Variants in NCKAP5L observed in about 807,000 individuals in gnomAD.
NCKAP5L encodes the protein nck-associated protein 5-like.
Under a neutral mutation model 103.2 loss-of-function variants are expected in NCKAP5L, and 54 were observed. The observed-to-expected ratio is 0.52, with a 90% CI of 0.42 to 0.66. NCKAP5L has a LOEUF of 0.66. Ranked by LOEUF, NCKAP5L falls within the 30% of genes least tolerant of loss-of-function variation. NCKAP5L has a pLI of 0.00. For missense variants in NCKAP5L, 1,733 were observed against 1,750.6 expected (o/e 0.99, Z 0.18); for synonymous variants, 762 against 748.6 (o/e 1.02, Z -0.29).
chr12:49,795,121 G>A lies in NCKAP5L; in HGVS notation c.2739C>T (p.Asn913=). 6.2e-7 allele frequency: 1 copy of A among 1,613,250 alleles called. No homozygotes were observed. The highest frequency in any genetic ancestry group is 8.5e-7 in the Non-Finnish European group (1 of 1,179,758). The part of the protein sequence containing the change: ...RAPGAEVKHR[N]TSSIASWFGL... ...CGAACCAGCTGGCGATGCTGCTGGT[G>A]TTGCGGTGCTTGACCTCGGCGCCAG... is the stretch of plus-strand genomic sequence containing the variant. The change falls in exon 8 of 13, where the codon AAC becomes AAT. Residue 913 remains asparagine (N), a synonymous_variant. Coordinates refer to ENST00000335999, the MANE Select transcript of NCKAP5L (RefSeq NM_001037806.4).
In NCKAP5L at chr12:49,793,781, T is replaced by G; in HGVS notation, c.3211A>C (p.Asn1071His). ...KSPWPACGPR[N>H]GLVGPLQGCG... ...CCCTGAAGAGGGCCCACCAGGCCATTCCGGGGCCCACAGGCTGGCCAGGGG... is the reference window on the plus strand; with the variant it reads ...CCCTGAAGAGGGCCCACCAGGCCATGCCGGGGCCCACAGGCTGGCCAGGGG... The change falls in exon 9 of 13, where the codon AAT (asparagine) becomes CAT (histidine). Residue 1071 changes from asparagine to histidine, a missense_variant. Coordinates refer to ENST00000335999, the MANE Select transcript of NCKAP5L (RefSeq NM_001037806.4). 2 of 1,605,474 alleles carry G rather than the reference T, an allele frequency of 1.2e-6. No individual in the cohort carries two copies. The highest frequency in any genetic ancestry group is 1.7e-6 in the Non-Finnish European group (2 of 1,175,716).
At chr12:49,801,724 G>C in intron 6 of NCKAP5L, 124 bp downstream of exon 6, 1 of 1,235,378 alleles carries the variant, frequency 8.1e-7, no homozygotes, top group Non-Finnish European at 1.1e-6. Context: ...CATACCCCCA[G>C]AATGGAAGGT....
intron 1 of NCKAP5L, among the ~76,000 whole-genome samples, chr12:49,825,952 C>T (rs1946411991): frequency 6.6e-6 from 1 of 152,140 alleles, no homozygotes; most frequent in Non-Finnish European, 1.5e-5. Flanking sequence ...CCTGGAGAGC[C>T]CAACTCCTGA....
In NCKAP5L at chr12:49,804,019, G is replaced by C; in HGVS notation, c.26C>G (p.Ala9Gly). The part of the protein sequence containing the change: MSEAMDQP[A>G]GGPGNPRPGE... ...TGGCCTTGGGTTTCCAGGACCCCCA[G>C]CTGGCTGGTCCATGGCCTCTGACAT... The change falls in exon 3 of 13, where the codon GCT becomes GGT. Residue 9 changes from alanine (A) to glycine (G), a missense_variant. By Grantham distance (60) the Ala-to-Gly change is moderately conservative (BLOSUM62 0). Coordinates refer to ENST00000335999, the MANE Select transcript of NCKAP5L (RefSeq NM_001037806.4). 3 of 1,611,784 alleles carry C rather than the reference G, an allele frequency of 1.9e-6. No homozygotes were observed. Among genetic ancestry groups the C allele is most frequent in the Non-Finnish European group, 2.5e-6 (3 of 1,179,970 alleles).
At chr12:49,802,684 A>T in intron 5 of NCKAP5L, 2 of 519,614 alleles carry the variant, frequency 3.8e-6, no homozygotes, top group Non-Finnish European at 3.5e-6. Context: ...GGCTCACAAC[A>T]TCAACACTGC....
At chr12:49,813,602 ACTGCCGCCTCCAC>A (rs1306171597) in intron 1 of NCKAP5L, among the ~76,000 whole-genome samples, 3 of 152,150 alleles carry the variant, frequency 2.0e-5, no homozygotes, top group African/African-American at 7.2e-5. Flanking sequence ...ATTTCAGCTC[ACTGCCGCCTCCAC>A]CTCCTGGGTT....
In NCKAP5L at chr12:49,795,983, G is replaced by C; in HGVS notation, c.1877C>G (p.Ala626Gly). 1 of 1,537,742 alleles carries C rather than the reference G, an allele frequency of 6.5e-7. No homozygotes were observed. The highest frequency in any genetic ancestry group is 8.7e-7 in the Non-Finnish European group (1 of 1,148,796). The stretch of plus-strand genomic sequence containing the variant: ...GCCGGGATGGGGAGACTCCGAGCCT[G>C]CCTTGTCCAAACTCTTCTCTTGGGG... ...GSPQEKSLDK[A>G]GSESPHPGRR... is the part of the protein sequence containing the mutation. The change falls in exon 8 of 13, where the codon GCA becomes GGA. Residue 626 changes from alanine (A) to glycine (G), a missense_variant. Transcript: ENST00000335999.
In NCKAP5L at chr12:49,803,010, G is replaced by T. The variant is rs1306683541; in HGVS notation, c.193-14C>A. 1.9e-6 allele frequency: 3 copies of T among 1,614,256 alleles called. No homozygotes were observed. Among genetic ancestry groups the T allele is most frequent in the South Asian group, 2.2e-5 (2 of 91,088 alleles). Reference sequence around the variant, plus strand: ...ATGGTTGGCAACCTGGGGACAGAAAGCCCCGAGGCAGAGCCATCAGCTGAC... The same window carrying T: ...ATGGTTGGCAACCTGGGGACAGAAATCCCCGAGGCAGAGCCATCAGCTGAC... On this transcript the variant is annotated splice_polypyrimidine_tract_variant and intron_variant, in intron 4 of 12. Transcript: ENST00000335999.
chr12:49,816,762 A>C (rs1365245074), intron 1 of NCKAP5L, among the ~76,000 whole-genome samples: 5 of 150,764 alleles, frequency 3.3e-5, no homozygotes, highest in African/African-American at 1.2e-4. Context: ...GCGCCACTGT[A>C]CTCCAGCCTG....
rs1565588878 is a variant in NCKAP5L at position 49,797,664 on chromosome 12, C to T, written c.466-270G>A. On this transcript the variant is annotated intron_variant, in intron 7 of 12. Coordinates refer to ENST00000335999, the MANE Select transcript of NCKAP5L (RefSeq NM_001037806.4). This position sits in a 1 kb window ranked among gnomAD's most constrained non-coding sequence, Gnocchi z 4.5. The stretch of plus-strand genomic sequence containing the variant: ...CTTTTCTTGGTTGCCCCAGCCCCTA[C>T]TCCCCACAGCCATTTGGATTAGCAG... Among the ~76,000 whole-genome samples the T allele has an allele frequency of 6.6e-6, 1 of 152,210 alleles. No homozygotes were observed. The highest frequency in any genetic ancestry group is 2.4e-5 in the African/African-American group (1 of 41,454).
rs558840869 is a variant in NCKAP5L, at chr12:49,793,405, T to C, written c.3287A>G (p.Glu1096Gly). ...GGCCAGGCTGTCCTCCGAGGGCATCTCTTCCCGCCTCCCTGGCTCGCTGCT... is the reference window on the plus strand; with the variant it reads ...GGCCAGGCTGTCCTCCGAGGGCATCCCTTCCCGCCTCCCTGGCTCGCTGCT... ...KPSSEPGRRE[E>G]MPSEDSLAEP... Residue 1096 changes from glutamate to glycine, a missense_variant, in exon 10 of 13, where the codon GAG (glutamate) becomes GGG (glycine). Physicochemically the swap from Glu to Gly is moderately conservative, Grantham distance 98. Coordinates refer to ENST00000335999, the MANE Select transcript of NCKAP5L (RefSeq NM_001037806.4). The C allele has an allele frequency of 1.1e-5, 18 of 1,609,296 alleles. 1 individual carries two copies. In the South Asian group the frequency reaches 2.0e-4, roughly 18 times the overall value.
chr12:49,802,768 C>T, intron 5 of NCKAP5L, 190 bp downstream of exon 5: 1 of 631,714 alleles, frequency 1.6e-6, no homozygotes, highest in Middle Eastern at 4.3e-4. Flanking sequence ...AAATCAGTGA[C>T]CACTGCTCAG....
chr12:49,800,088 G>A lies in NCKAP5L; in HGVS notation c.352-1625C>T, dbSNP rs1344015501. ...CGCATGCCTATAATCCCAGCTACTC[G>A]GGAGGCTGAGGCAGAAGAATCGCTT... is the stretch of plus-strand genomic sequence containing the variant. On this transcript the variant is annotated intron_variant, in intron 6 of 12. Transcript: ENST00000335999. 5.9e-5 allele frequency among the ~76,000 whole-genome samples: 9 copies of A among 152,162 alleles called. No homozygotes were observed. The South Asian group carries it at 6.2e-4, about 10-fold the overall frequency.
rs908229762 is a variant in NCKAP5L at position 49,798,235 on chromosome 12, C to T, written c.465+115G>A. 30 of 961,238 alleles carry T rather than the reference C, an allele frequency of 3.1e-5. No homozygotes were observed. The South Asian group carries it at 3.4e-4, about 11-fold the overall frequency. 59.5% of individuals were successfully genotyped at this position (961,238 alleles called of 1,614,324 possible). A position where few individuals can be genotyped will look rare whatever the true frequency, so the allele number is the denominator to read the frequency against. On this transcript the variant is annotated intron_variant, in intron 7 of 12. Coordinates refer to ENST00000335999, the MANE Select transcript of NCKAP5L (RefSeq NM_001037806.4). ...TTGGGGATCTGCTTTTTTTGGCATTCGGCTGCTCACACTTCCAGCCTGGAC... is the reference window on the plus strand; with the variant it reads ...TTGGGGATCTGCTTTTTTTGGCATTTGGCTGCTCACACTTCCAGCCTGGAC...
At chr12:49,820,463 C>T (rs1303891335) in intron 1 of NCKAP5L, among the ~76,000 whole-genome samples, 1 of 152,030 alleles carries the variant, frequency 6.6e-6, no homozygotes, top group African/African-American at 2.4e-5. Flanking sequence ...ACTACAGGCG[C>T]GTGCCATTAT....
intron 6 of NCKAP5L, among the ~76,000 whole-genome samples, chr12:49,799,522 G>A (rs1946096187): frequency 6.6e-6 from 1 of 151,742 alleles, no homozygotes; most frequent in South Asian, 2.1e-4. Flanking sequence ...TTGCTATGTT[G>A]CCTAGGCTGG....
rs141315867 is a variant in NCKAP5L, at chr12:49,819,168, C to T, written c.-99+9154G>A. On this transcript the variant is annotated intron_variant, in intron 1 of 12. Transcript: ENST00000335999. ...TCTATTAAAACTACAAAAAATTAGC[C>T]GGGCGTGGTCGTGGGCACCTGTAGT... Among the ~76,000 whole-genome samples, 1,223 of 152,006 alleles carry T rather than the reference C, an allele frequency of 8.0e-3. 8 individuals are homozygous for T. The highest frequency in any genetic ancestry group is 0.012 in the Non-Finnish European group (814 of 67,978).
Position 49,791,917 on chromosome 12 carries a change from G to A in NCKAP5L, c.3927C>T (p.Gly1309=). The change falls in exon 13 of 13, where the codon GGC becomes GGT. Residue 1309 remains glycine (G), a synonymous_variant. Transcript: ENST00000335999. ...MAEEGRVASG[G]PPGLETSESL... Reference sequence around the variant, plus strand: ...ACTCCGAGGTCTCCAGCCCTGGGGGGCCCCCGCTGGCCACTCTGCCTTCCT... The same window carrying A: ...ACTCCGAGGTCTCCAGCCCTGGGGGACCCCCGCTGGCCACTCTGCCTTCCT... The A allele has an allele frequency of 6.2e-7, 1 of 1,611,840 alleles. No individual in the cohort carries two copies.
At position 49,797,247 on chromosome 12, in the gene NCKAP5L, G is replaced by C; in HGVS notation, c.613C>G (p.Leu205Val). 2 of 1,613,570 alleles carry C rather than the reference G, an allele frequency of 1.2e-6. No homozygotes were observed. Among genetic ancestry groups the C allele is most frequent in the East Asian group, 4.5e-5 (2 of 44,868 alleles). ...CGCCAGGGGGTGGCAGGTGAGCAGA[G>C]AAGCAAGGGGTCAGTCTCTTCCAGG... Reference protein sequence around the residue: ...RALEETDPLLLCSPATPWRPP... With the variant: ...RALEETDPLLVCSPATPWRPP... Residue 205 changes from leucine (L) to valine (V), a missense_variant, in exon 8 of 13, where the codon CTC becomes GTC. Transcript: ENST00000335999. The surrounding 1 kb of genome is among the most constrained non-coding windows in gnomAD (Gnocchi z 4.5).
Sources: allele counts gnomAD v4.1 joint callset (sites outside exome capture counted in the v4.1 genomes callset), GRCh38; gene constraint gnomAD v4.1.1; non-coding constraint Gnocchi (gnomAD v3.1); transcripts MANE v1.5; gene names NCBI Gene and HGNC (gene_info 2026-07-23, HGNC 2026-07-21).